ABLIM1: variants seen among roughly 807,000 people sequenced by gnomAD.
ABLIM1 encodes actin binding LIM protein 1, also known as actin-binding LIM protein 1.
In ABLIM1, 40 loss-of-function variants were observed where a neutral mutation model predicts 107.0. That is an observed-to-expected ratio of 0.37 (90% CI 0.29 to 0.49). The LOEUF (loss-of-function observed/expected upper bound fraction) is 0.49. ABLIM1 is among the 20% of genes least tolerant of loss of function. ABLIM1 has a pLI of 0.97. For missense variants in ABLIM1, 857 were observed against 1,008.5 expected, an observed-to-expected ratio of 0.85 and a Z score of 2.04; for synonymous variants, 357 against 357.3, an observed-to-expected ratio of 1.00 and a Z score of 0.01.
intron 6 of ABLIM1, among the ~76,000 whole-genome samples, chr10:114,543,886 T>C (rs2066992177): frequency 6.6e-6 from 1 of 152,222 alleles, no homozygotes; most frequent in Admixed American, 6.5e-5. Context: ...CAACTGCATT[T>C]GACCACAACC....
chr10:114,613,925 T>A (rs768526772), intron 1 of ABLIM1, among the ~76,000 whole-genome samples: 41 of 152,140 alleles, frequency 2.7e-4, no homozygotes, highest in Non-Finnish European at 4.7e-4. Context: ...TTCATCCCGG[T>A]GACAAGGGAG....
chr10:114,521,390 T>C (rs1202855017), intron 6 of ABLIM1, among the ~76,000 whole-genome samples: 3 of 152,258 alleles, frequency 2.0e-5, no homozygotes, highest in Non-Finnish European at 4.4e-5. Context: ...AGTATGCTTA[T>C]AAAGTGCTAA....
chr10:114,507,600 G>A (rs1030722775), intron 6 of ABLIM1, among the ~76,000 whole-genome samples: 1 of 152,178 alleles, frequency 6.6e-6, no homozygotes, highest in African/African-American at 2.4e-5. Context: ...GGATAAGCAG[G>A]GAGTGCTGTG....
chr10:114,774,405 G>A, the ABLIM1 span, among the ~76,000 whole-genome samples: 1 of 152,120 alleles, frequency 6.6e-6, no homozygotes, highest in Non-Finnish European at 1.5e-5. Context: ...GAGTTTAGGA[G>A]AAAACAAGCA....
chr10:114,797,548 T>G, the ABLIM1 span, among the ~76,000 whole-genome samples: 1 of 152,164 alleles, frequency 6.6e-6, no homozygotes, highest in Non-Finnish European at 1.5e-5. Flanking sequence ...TCTCAGAAAC[T>G]CTGATTTTTT....
intron 1 of ABLIM1, among the ~76,000 whole-genome samples, chr10:114,754,744 T>C (rs1379642807): frequency 6.6e-6 from 1 of 152,200 alleles, no homozygotes; most frequent in African/African-American, 2.4e-5. Context: ...CTTCTCTTAG[T>C]GTTTATCACT....
At chr10:114,615,199 A>C (rs1036609375) in intron 1 of ABLIM1, among the ~76,000 whole-genome samples, 1 of 152,186 alleles carries the variant, frequency 6.6e-6, no homozygotes, top group African/African-American at 2.4e-5. Context: ...TTACTCCACT[A>C]ATCCTTCTTT....
At chr10:114,601,797 C>T in intron 2 of ABLIM1, 30 bp downstream of exon 2, 1 of 1,614,156 alleles carries the variant, frequency 6.2e-7, no homozygotes, top group Non-Finnish European at 8.5e-7. Flanking sequence ...CATGGCATGC[C>T]ACTGAGCCAC....
chr10:114,768,983 A>C (rs2082970130), upstream of ABLIM1, among the ~76,000 whole-genome samples: 1 of 151,942 alleles, frequency 6.6e-6, no homozygotes, highest in African/African-American at 2.4e-5. Context: ...ATTCTAACTA[A>C]AAAGGTGGGA....
At chr10:114,665,486 G>C (rs1448429448) in intron 1 of ABLIM1, among the ~76,000 whole-genome samples, 3 of 152,222 alleles carry the variant, frequency 2.0e-5, no homozygotes, top group Non-Finnish European at 4.4e-5. Context: ...TGATGGGAAG[G>C]ACGTCAAAGG....
At chr10:114,452,159 CTT>C (rs989866849) in intron 13 of ABLIM1, among the ~76,000 whole-genome samples, 1 of 151,982 alleles carries the variant, frequency 6.6e-6, no homozygotes, top group Non-Finnish European at 1.5e-5. Flanking sequence ...AAAACAGAAA[CTT>C]TTTATGTGCA....
chr10:114,499,639 A>T (rs1291080445), intron 6 of ABLIM1, among the ~76,000 whole-genome samples: 1 of 152,210 alleles, frequency 6.6e-6, no homozygotes, highest in Non-Finnish European at 1.5e-5. Context: ...ATAAGCACTG[A>T]AATGAGTCTA....
chr10:114,582,202 T>A (rs2073470529), intron 2 of ABLIM1, among the ~76,000 whole-genome samples: 1 of 152,200 alleles, frequency 6.6e-6, no homozygotes, highest in South Asian at 2.1e-4. Flanking sequence ...AAAACCAGTA[T>A]AATTTCTACA....
the ABLIM1 span, among the ~76,000 whole-genome samples, chr10:114,796,825 T>C: frequency 1.2e-4 from 18 of 152,202 alleles, no homozygotes; most frequent in Non-Finnish European, 2.6e-4. Flanking sequence ...CACCCCACCT[T>C]GTTGCTGTTA....
At chr10:114,763,249 T>A (rs60266547) in intron 1 of ABLIM1, among the ~76,000 whole-genome samples, 6,555 of 152,196 alleles carry the variant, frequency 0.043, 483 homozygotes, top group African/African-American at 0.15. Context: ...AATTCTGAGG[T>A]TTTGATAGGA....
intron 1 of ABLIM1, among the ~76,000 whole-genome samples, chr10:114,603,732 T>A (rs2076208482): frequency 6.6e-6 from 1 of 151,320 alleles, no homozygotes; most frequent in Non-Finnish European, 1.5e-5. Context: ...GGTGGGCGGA[T>A]CACCTGAGGT....
intron 1 of ABLIM1, among the ~76,000 whole-genome samples, chr10:114,761,496 C>A (rs377167340): frequency 6.6e-6 from 1 of 152,118 alleles, no homozygotes; most frequent in African/African-American, 2.4e-5. Flanking sequence ...ACTTGTCATG[C>A]GCAACCATCT....
At chr10:114,757,443 C>CTCCT (rs2082655405) in intron 1 of ABLIM1, among the ~76,000 whole-genome samples, 1 of 152,150 alleles carries the variant, frequency 6.6e-6, no homozygotes, top group South Asian at 2.1e-4. Context: ...AATACTTGAT[C>CTCCT]TCCTCCCCAA....
chr10:114,559,294 A>G (rs1318784531), intron 4 of ABLIM1, among the ~76,000 whole-genome samples: 2 of 152,076 alleles, frequency 1.3e-5, no homozygotes, highest in South Asian at 2.1e-4. Context: ...CAATGGTCAC[A>G]TGGCAACCTT....
Sources: gnomAD v4.1 joint callset for allele counts (sites outside exome capture counted in the v4.1 genomes callset) on GRCh38, gnomAD v4.1.1 for gene constraint, MANE v1.5 for transcripts, NCBI Gene and HGNC (gene_info 2026-07-23, HGNC 2026-07-21) for gene names.